Variants in GSN observed in about 807,000 individuals in gnomAD.
The protein encoded by GSN is gelsolin, also known as actin-depolymerizing factor.
GSN carries 56 observed loss-of-function variants against 85.7 expected under a neutral mutation model. That is an observed-to-expected ratio of 0.65 (90% CI 0.53 to 0.82). GSN has a LOEUF of 0.82. Among genes scored for constraint, GSN ranks in the 40% least tolerant of loss-of-function variants. The pLI is 0.00. For missense variants in GSN, 857 were observed against 979.8 expected, an observed-to-expected ratio of 0.87 and a Z score of 1.67; for synonymous variants, 373 against 399.1, an observed-to-expected ratio of 0.93 and a Z score of 0.78.
rs1490485377 is a variant in GSN, at chr9:121,332,431, C to T, written c.2027-3C>T. ...TTTCCTTTTCTTGCACGTGTGTCTG[C>T]AGCTAAGCGGTACATCGAGACGGAC... On this transcript the variant is annotated splice_region_variant and splice_polypyrimidine_tract_variant and intron_variant, in intron 17 of 17. Transcript: ENST00000432226. The surrounding 1 kb of genome is among the most constrained non-coding windows in gnomAD (Gnocchi z 4.8). The T allele has an allele frequency of 1.2e-6, 2 of 1,613,724 alleles. No homozygotes were observed. The highest frequency in any genetic ancestry group is 3.3e-5 in the Admixed American group (2 of 60,022).
chr9:121,279,374 G>A (rs551919608), intron 1 of GSN, among the ~76,000 whole-genome samples: 103 of 152,292 alleles, frequency 6.8e-4, no homozygotes, highest in Middle Eastern at 3.4e-3. Flanking sequence ...TAAGGAGGAT[G>A]CATTGTAGGA....
chr9:121,226,099 C>T (rs536188317), intron 4 of GSN, among the ~76,000 whole-genome samples: 1 of 152,256 alleles, frequency 6.6e-6, no homozygotes, highest in East Asian at 1.9e-4. Context: ...CCACTGCGCC[C>T]GGCAGAGCCT....
intron 1 of GSN, among the ~76,000 whole-genome samples, chr9:121,274,164 G>A (rs955759579): frequency 3.3e-5 from 5 of 152,268 alleles, no homozygotes; most frequent in African/African-American, 4.8e-5. Flanking sequence ...GTCAGATATC[G>A]AATATAGACA....
chr9:121,238,721 A>G (rs538060041), intron 5 of GSN: 4 of 396,722 alleles, frequency 1.0e-5, no homozygotes, highest in Non-Finnish European at 2.0e-5. Context: ...GCCAACCAGT[A>G]TCCAAAGTCT....
intron 14 of GSN, among the ~76,000 whole-genome samples, chr9:121,327,695 T>C (rs1000754655): frequency 6.7e-6 from 1 of 149,338 alleles, no homozygotes; most frequent in African/African-American, 2.6e-5. Flanking sequence ...GAGCCTAGCC[T>C]GGGCGTGGTG....
In GSN at chr9:121,256,021, A is replaced by G. The variant is rs1013335025; in HGVS notation, c.-341+7698A>G. 2.4e-4 allele frequency among the ~76,000 whole-genome samples: 36 copies of G among 152,220 alleles called. 2 individuals are homozygous for G. The highest frequency in any genetic ancestry group is 2.2e-3 in the Admixed American group (34 of 15,294). On this transcript the variant is annotated intron_variant, in intron 6 of 24. Transcript: ENST00000373823. ...TTGTTTGGAGGGAGAGGACTTAGAG[A>G]TACCTATGAGAGAGATGGTGAGTTC... is the stretch of plus-strand genomic sequence containing the variant.
chr9:121,276,785 C>G (rs529821312), intron 1 of GSN, among the ~76,000 whole-genome samples: 1 of 151,416 alleles, frequency 6.6e-6, no homozygotes, highest in Admixed American at 6.6e-5. Flanking sequence ...GTGGTCGGGT[C>G]CTGTAGTGGG....
chr9:121,325,595 A>G (rs1392642253), intron 12 of GSN, among the ~76,000 whole-genome samples: 3 of 152,162 alleles, frequency 2.0e-5, no homozygotes, highest in Non-Finnish European at 2.9e-5. Context: ...GCTGGAGGGC[A>G]GCAGAGCTGG....
At chr9:121,269,045 C>G (rs532874473) in intron 1 of GSN, among the ~76,000 whole-genome samples, 2 of 152,290 alleles carry the variant, frequency 1.3e-5, no homozygotes, top group East Asian at 3.9e-4. Context: ...AGACATCTGT[C>G]GCTTTATCCT....
intron 6 of GSN, 88 bp downstream of exon 6, chr9:121,312,576 AG>A: frequency 1.1e-5 from 11 of 964,390 alleles, no homozygotes; most frequent in Non-Finnish European, 1.5e-5. Context: ...GGTGAATTTG[AG>A]GAAAAAAAAA....
intron 7 of GSN, among the ~76,000 whole-genome samples, chr9:121,316,150 TA>T (rs1371731924): frequency 6.6e-6 from 1 of 152,242 alleles, no homozygotes; most frequent in Non-Finnish European, 1.5e-5. Flanking sequence ...TGGATATTGT[TA>T]AACTTTTGAA....
At chr9:121,232,291 T>A (rs2054405593) in intron 5 of GSN, among the ~76,000 whole-genome samples, 1 of 152,212 alleles carries the variant, frequency 6.6e-6, no homozygotes, top group East Asian at 1.9e-4. Context: ...ATTTATGTAA[T>A]GAGGAAATCT....
In GSN at chr9:121,228,885, T is replaced by C. The variant is rs192061842; in HGVS notation, c.-527-2280T>C. On this transcript the variant is annotated intron_variant, in intron 4 of 24. Coordinates refer to the GSN transcript ENST00000373823. Reference sequence around the variant, plus strand: ...CATGCACACATACACACATGCTCGCTCTGTTTCTCTCTCTCTTCCTGAACC... The same window carrying C: ...CATGCACACATACACACATGCTCGCCCTGTTTCTCTCTCTCTTCCTGAACC... 2.4e-4 allele frequency among the ~76,000 whole-genome samples: 37 copies of C among 152,318 alleles called. 1 individual carries two copies. Among genetic ancestry groups the C allele is most frequent in the Admixed American group, 2.4e-3 (36 of 15,302 alleles).
intron 6 of GSN, among the ~76,000 whole-genome samples, chr9:121,259,599 G>C (rs2055038337): frequency 6.6e-6 from 1 of 152,174 alleles, no homozygotes; most frequent in South Asian, 2.1e-4. Context: ...GGTTCAGGTG[G>C]GAAGGGGATG....
intron 12 of GSN, 129 bp downstream of exon 12, chr9:121,324,773 CCAT>C (rs2062952292): frequency 7.4e-6 from 5 of 675,702 alleles, no homozygotes; most frequent in East Asian, 5.5e-5. Flanking sequence ...ATCCATCCAT[CCAT>C]CCATCCATCC....
At position 121,300,192 on chromosome 9, in the gene GSN, G is replaced by C. The variant is rs568439464; in HGVS notation, c.-9-1771G>C. The C allele has an allele frequency of 7.1e-6, 8 of 1,131,626 alleles. No individual in the cohort carries two copies. The South Asian group carries it at 8.6e-5, about 12-fold the overall frequency. 70.1% of individuals were successfully genotyped at this position (1,131,626 alleles called of 1,614,324 possible). The stretch of plus-strand genomic sequence containing the variant: ...CGAGGGTGGGAGCCTCGGGGCCCTG[G>C]CTGTTCCTTCCCAGGAAGCTAACCT... On this transcript the variant is annotated intron_variant, in intron 2 of 17. Transcript: ENST00000432226.
chr9:121,300,082 G>C, intron 2 of GSN: 2 of 1,611,518 alleles, frequency 1.2e-6, no homozygotes, highest in Non-Finnish European at 8.5e-7. Flanking sequence ...GCTAGGAAAA[G>C]GGGAGTAATT....
At chr9:121,326,793 G>T (rs539021482) in intron 13 of GSN, 111 bp downstream of exon 13, 7 of 994,266 alleles carry the variant, frequency 7.0e-6, no homozygotes, top group Admixed American at 3.4e-5. Flanking sequence ...GAATGACGGG[G>T]TAAGAAGCAG....
intron 7 of GSN, among the ~76,000 whole-genome samples, chr9:121,314,451 C>T (rs1340566800): frequency 6.6e-6 from 1 of 152,166 alleles, no homozygotes; most frequent in Non-Finnish European, 1.5e-5. Context: ...TGATTTCTTT[C>T]TTGTGATTTT....
Sources: allele counts gnomAD v4.1 joint callset (sites outside exome capture counted in the v4.1 genomes callset), GRCh38; gene constraint gnomAD v4.1.1; non-coding constraint Gnocchi (gnomAD v3.1); transcripts MANE v1.5; gene names NCBI Gene and HGNC (gene_info 2026-07-23, HGNC 2026-07-21).